MGAT4C: variants seen among roughly 807,000 people sequenced by gnomAD.
MGAT4C encodes the protein alpha-1,3-mannosyl-glycoprotein 4-beta-N-acetylglucosaminyltransferase C.
A neutral mutation model predicts 40.1 loss-of-function variants in MGAT4C; 19 were observed. The ratio of observed to expected loss-of-function variants is 0.47; its 90% CI spans 0.33 to 0.70. The LOEUF is 0.70. Among genes scored for constraint, MGAT4C ranks in the 30% least tolerant of loss-of-function variants. The probability of loss-of-function intolerance (pLI) is 0.02; values close to 1 mark genes in which losing one functional copy is unlikely to be tolerated. For missense variants in MGAT4C, 491 were observed against 563.2 expected, an observed-to-expected ratio of 0.87 and a Z score of 1.30; for synonymous variants, 181 against 187.1, an observed-to-expected ratio of 0.97 and a Z score of 0.27.
At chr12:86,804,129 A>C (rs1005728689) in intron 1 of MGAT4C, among the ~76,000 whole-genome samples, 12 of 151,652 alleles carry the variant, frequency 7.9e-5, no homozygotes, top group African/African-American at 2.9e-4. Context: ...ACATGGATGA[A>C]ATTGGAAATC....
intron 1 of MGAT4C, among the ~76,000 whole-genome samples, chr12:86,075,146 G>A (rs1055092525): frequency 3.9e-5 from 6 of 152,218 alleles, no homozygotes; most frequent in South Asian, 4.1e-4. Flanking sequence ...TATCAAAAGC[G>A]AGCTTGTTAC....
At chr12:86,382,018 ATCT>A (rs1171826275) in intron 3 of MGAT4C, among the ~76,000 whole-genome samples, 1 of 152,120 alleles carries the variant, frequency 6.6e-6, no homozygotes, top group Non-Finnish European at 1.5e-5. Context: ...AAATTGCCCA[ATCT>A]TGGGTATGTC....
At chr12:86,810,256 T>G (rs916882889) in intron 1 of MGAT4C, among the ~76,000 whole-genome samples, 2 of 151,976 alleles carry the variant, frequency 1.3e-5, no homozygotes, top group Non-Finnish European at 2.9e-5. Flanking sequence ...TGATTTCTTA[T>G]GTTATAAGAA....
At chr12:86,404,894 G>A (rs935280258) in intron 3 of MGAT4C, among the ~76,000 whole-genome samples, 8 of 151,998 alleles carry the variant, frequency 5.3e-5, no homozygotes, top group African/African-American at 1.9e-4. Context: ...AATATAATGT[G>A]TAACTAAATG....
At chr12:86,750,778 A>G (rs7311206) in intron 1 of MGAT4C, among the ~76,000 whole-genome samples, 5,004 of 152,052 alleles carry the variant, frequency 0.033, 276 homozygotes, top group African/African-American at 0.11. Context: ...GAGGTAGTAT[A>G]TATTTTATTT....
intron 1 of MGAT4C, among the ~76,000 whole-genome samples, chr12:86,226,655 T>C (rs561862606): frequency 1.1e-4 from 16 of 151,942 alleles, no homozygotes; most frequent in Non-Finnish European, 2.1e-4. Context: ...GTCAGCTATA[T>C]ATTTTGTCAT....
At position 85,980,340 on chromosome 12, in the gene MGAT4C, T is replaced by C. The variant is rs991920430; in HGVS notation, c.386A>G (p.Tyr129Cys). 1.2e-6 allele frequency: 2 copies of C among 1,613,690 alleles called. No homozygotes were observed. Among genetic ancestry groups the C allele is most frequent in the Admixed American group, 1.7e-5 (1 of 59,926 alleles). The stretch of plus-strand genomic sequence containing the variant: ...CACTGAAATTTCCTTCAGCTCTTCA[T>C]AGCTGGATTGCTCAAAAATTGACTT... ...TIKSIFEQSS[Y>C]EELKEISVVV... Residue 129 changes from tyrosine (Y) to cysteine (C), a missense_variant, in exon 5 of 5, where the codon TAT becomes TGT. Physicochemically the swap from Tyr to Cys is radical, Grantham distance 194. Transcript: ENST00000611864.
intron 1 of MGAT4C, among the ~76,000 whole-genome samples, chr12:86,146,146 G>T (rs987880681): frequency 2.6e-5 from 4 of 152,082 alleles, no homozygotes; most frequent in Non-Finnish European, 4.4e-5. Context: ...TTCTTACTTT[G>T]TTTTCTATGA....
chr12:86,036,858 A>C (rs1342912204), intron 2 of MGAT4C, among the ~76,000 whole-genome samples: 2 of 149,938 alleles, frequency 1.3e-5, no homozygotes, highest in African/African-American at 4.8e-5. Flanking sequence ...GAATAGTTTC[A>C]GAAGGAATGA....
At chr12:86,542,726 G>A (rs1349516044) in intron 2 of MGAT4C, among the ~76,000 whole-genome samples, 1 of 152,118 alleles carries the variant, frequency 6.6e-6, no homozygotes, top group Non-Finnish European at 1.5e-5. Context: ...CAAAGTGAAT[G>A]AATGCTGCAC....
intron 2 of MGAT4C, among the ~76,000 whole-genome samples, chr12:86,438,496 CA>C (rs1198917457): frequency 6.6e-6 from 1 of 151,802 alleles, no homozygotes; most frequent in Non-Finnish European, 1.5e-5. Context: ...CTAGAGTAAA[CA>C]ACAAATTTTC....
intron 1 of MGAT4C, among the ~76,000 whole-genome samples, chr12:86,771,690 G>A (rs1323231895): frequency 9.6e-4 from 12 of 12,456 alleles, no homozygotes; most frequent in East Asian, 1.9e-3. Flanking sequence ...ATATATATGT[G>A]TGTGTGTGTG....
At chr12:86,235,715 T>C (rs1951505574) in intron 1 of MGAT4C, among the ~76,000 whole-genome samples, 1 of 152,114 alleles carries the variant, frequency 6.6e-6, no homozygotes, top group African/African-American at 2.4e-5. Context: ...CTCCACACAC[T>C]GAAGACTAGT....
chr12:86,094,517 A>G (rs1873532520), intron 1 of MGAT4C, among the ~76,000 whole-genome samples: 2 of 152,162 alleles, frequency 1.3e-5, no homozygotes, highest in Admixed American at 6.6e-5. Context: ...ATACTATTTT[A>G]AAAGACAAAA....
intron 1 of MGAT4C, among the ~76,000 whole-genome samples, chr12:86,200,316 G>T (rs1240232730): frequency 6.6e-6 from 1 of 151,634 alleles, no homozygotes; most frequent in Non-Finnish European, 1.5e-5. Flanking sequence ...TCTAGTCTTT[G>T]ACTCTTACCT....
At chr12:86,556,798 C>T (rs1437872358) in intron 2 of MGAT4C, among the ~76,000 whole-genome samples, 1 of 152,086 alleles carries the variant, frequency 6.6e-6, no homozygotes, top group African/African-American at 2.4e-5. Context: ...TCTGAACTAC[C>T]TGGCCATTTC....
chr12:86,402,512 A>C, intron 3 of MGAT4C, among the ~76,000 whole-genome samples: 1 of 152,216 alleles, frequency 6.6e-6, no homozygotes, highest in East Asian at 1.9e-4. Flanking sequence ...TTATATTTGT[A>C]GTAGAAAAAT....
chr12:86,047,935 T>A (rs1179899671), intron 2 of MGAT4C, among the ~76,000 whole-genome samples: 1 of 101,700 alleles, frequency 9.8e-6, no homozygotes, highest in Admixed American at 1.1e-4. Context: ...CAATCATAGT[T>A]AAAACAACAG....
At chr12:86,269,560 T>G (rs1474853530) in intron 4 of MGAT4C, among the ~76,000 whole-genome samples, 2 of 151,516 alleles carry the variant, frequency 1.3e-5, no homozygotes, top group Non-Finnish European at 2.9e-5. Flanking sequence ...TTCAGGTTTT[T>G]TTGTTTTTTT....
Sources: allele counts gnomAD v4.1 joint callset (sites outside exome capture counted in the v4.1 genomes callset), GRCh38; gene constraint gnomAD v4.1.1; transcripts MANE v1.5; gene names NCBI Gene and HGNC (gene_info 2026-07-23, HGNC 2026-07-21).